THRAP3: variants seen among roughly 807,000 people sequenced by gnomAD.
THRAP3 encodes the protein thyroid hormone receptor-associated protein 3.
In THRAP3, 16 loss-of-function variants were observed where a neutral mutation model predicts 101.0. The ratio of observed to expected loss-of-function variants is 0.16; its 90% CI spans 0.11 to 0.24. The LOEUF is 0.24. Ranked by LOEUF, THRAP3 falls within the 10% of genes least tolerant of loss-of-function variation. The pLI is 1.00. For missense variants in THRAP3, 989 were observed against 1,202.7 expected, an observed-to-expected ratio of 0.82 and a Z score of 2.63; for synonymous variants, 407 against 422.6, an observed-to-expected ratio of 0.96 and a Z score of 0.45.
At chr1:36,255,156 A>G (rs745555717) in intron 1 of THRAP3, among the ~76,000 whole-genome samples, 4 of 152,122 alleles carry the variant, frequency 2.6e-5, no homozygotes, top group Non-Finnish European at 4.4e-5. Context: ...GGTTAACTTG[A>G]CACTGTCTTC....
chr1:36,217,152 C>T, the THRAP3 span, among the ~76,000 whole-genome samples: 2 of 152,154 alleles, frequency 1.3e-5, no homozygotes, highest in African/African-American at 4.8e-5. Context: ...ATGGAGAATG[C>T]AGACATACAA....
At chr1:36,255,453 C>A (rs1645360720) in intron 1 of THRAP3, among the ~76,000 whole-genome samples, 1 of 151,228 alleles carries the variant, frequency 6.6e-6, no homozygotes, top group East Asian at 1.9e-4. Context: ...CATAGTGAGA[C>A]CCTGTCTCTA....
chr1:36,257,294 C>T (rs1449885336), intron 1 of THRAP3, among the ~76,000 whole-genome samples: 1 of 152,116 alleles, frequency 6.6e-6, no homozygotes, highest in Non-Finnish European at 1.5e-5. Flanking sequence ...CTCCAGGTGC[C>T]CTCATCTGCT....
chr1:36,296,037 G>A (rs1056070944), intron 8 of THRAP3, among the ~76,000 whole-genome samples: 8 of 136,402 alleles, frequency 5.9e-5, no homozygotes, highest in East Asian at 2.2e-4. Context: ...GCAGTGGTGC[G>A]ATCTCAGCTC....
chr1:36,249,719 T>TGTGG (rs778135723), intron 1 of THRAP3, among the ~76,000 whole-genome samples: 1 of 149,158 alleles, frequency 6.7e-6, no homozygotes, highest in African/African-American at 2.5e-5. Flanking sequence ...TGTGTGTGTG[T>TGTGG]GGTGGAGGTT....
intron 8 of THRAP3, among the ~76,000 whole-genome samples, chr1:36,295,085 TG>T (rs1446701882): frequency 6.6e-6 from 1 of 151,886 alleles, no homozygotes; most frequent in African/African-American, 2.4e-5. Context: ...TAGCCGGGTG[TG>T]GTAGTGCATG....
chr1:36,277,812 C>G (rs989764833), intron 2 of THRAP3, among the ~76,000 whole-genome samples: 1 of 151,980 alleles, frequency 6.6e-6, no homozygotes, highest in Admixed American at 6.6e-5. Flanking sequence ...CAAGCTGGAT[C>G]GCAATGGCAC....
intron 1 of THRAP3, among the ~76,000 whole-genome samples, chr1:36,254,091 G>T (rs1320955553): frequency 1.3e-5 from 2 of 152,082 alleles, no homozygotes; most frequent in African/African-American, 4.8e-5. Flanking sequence ...TCAAACTGCC[G>T]TGTGGTAGGG....
At chr1:36,222,939 G>A (rs1285667898), upstream of THRAP3, among the ~76,000 whole-genome samples, 1 of 151,462 alleles carries the variant, frequency 6.6e-6, no homozygotes, top group Non-Finnish European at 1.5e-5. Context: ...TACCAGCTTG[G>A]CCAACGTGGC....
intron 2 of THRAP3, among the ~76,000 whole-genome samples, chr1:36,271,143 G>C (rs1645585516): frequency 6.6e-6 from 1 of 152,022 alleles, no homozygotes; most frequent in South Asian, 2.1e-4. Flanking sequence ...TCCTTATATA[G>C]ATATGTCTTA....
At chr1:36,209,525 C>T in the THRAP3 span, among the ~76,000 whole-genome samples, 1 of 152,162 alleles carries the variant, frequency 6.6e-6, no homozygotes, top group Non-Finnish European at 1.5e-5. Flanking sequence ...CAAATATCCT[C>T]TGGGGGATAG....
At chr1:36,300,337 C>T (rs1223081733) in intron 9 of THRAP3, among the ~76,000 whole-genome samples, 1 of 152,176 alleles carries the variant, frequency 6.6e-6, no homozygotes, top group Non-Finnish European at 1.5e-5. Flanking sequence ...CCTGAGCCTC[C>T]TACCTGTAAA....
intron 1 of THRAP3, among the ~76,000 whole-genome samples, 196 bp from the exon 2 acceptor site, chr1:36,259,186 C>A (rs919957264): frequency 6.6e-6 from 1 of 152,186 alleles, no homozygotes; most frequent in Non-Finnish European, 1.5e-5. Context: ...TTTTGCTTTC[C>A]ATACTGTAGG....
intron 1 of THRAP3, among the ~76,000 whole-genome samples, chr1:36,226,806 C>A (rs1430883218): frequency 1.3e-5 from 2 of 152,140 alleles, no homozygotes; most frequent in African/African-American, 4.8e-5. Context: ...CATTTACCAG[C>A]TTCTGTTGTG....
At chr1:36,294,442 T>C (rs1037899778) in intron 8 of THRAP3, among the ~76,000 whole-genome samples, 1 of 152,228 alleles carries the variant, frequency 6.6e-6, no homozygotes, top group Admixed American at 6.5e-5. Context: ...AAGATTACTT[T>C]GATGGCCCAG....
intron 2 of THRAP3, among the ~76,000 whole-genome samples, chr1:36,281,341 T>C (rs575112729): frequency 6.6e-6 from 1 of 152,362 alleles, no homozygotes; most frequent in South Asian, 2.1e-4. Context: ...ATCTCCTCAT[T>C]ACTTTTATTA....
At chr1:36,265,381 AC>A (rs1645500278) in intron 2 of THRAP3, among the ~76,000 whole-genome samples, 1 of 151,702 alleles carries the variant, frequency 6.6e-6, no homozygotes, top group African/African-American at 2.4e-5. Context: ...ACAAACGAAA[AC>A]CTCCAAAGTC....
Position 36,286,637 on chromosome 1 carries a change from C to T in THRAP3, c.407C>T (p.Ser136Leu). 1.2e-6 allele frequency: 2 copies of T among 1,614,182 alleles called. No individual in the cohort carries two copies. Among genetic ancestry groups the T allele is most frequent in the South Asian group, 1.1e-5 (1 of 91,082 alleles). ...CGGTCCCCAAAGAGAAGGTCCCCTTCACCAAGGTCCAGGAGCCATTCTAGA... is the reference window on the plus strand; with the variant it reads ...CGGTCCCCAAAGAGAAGGTCCCCTTTACCAAGGTCCAGGAGCCATTCTAGA... ...RSRSPKRRSP[S>L]PRSRSHSRNS... Residue 136 changes from serine to leucine, a missense_variant, in exon 4 of 12, where the codon TCA (serine) becomes TTA (leucine). Physicochemically the swap from Ser to Leu is moderately radical, Grantham distance 145. Coordinates refer to ENST00000354618, the MANE Select transcript of THRAP3 (RefSeq NM_005119.4). The surrounding 1 kb of genome is among the most constrained non-coding windows in gnomAD (Gnocchi z 5.5).
intron 2 of THRAP3, among the ~76,000 whole-genome samples, chr1:36,266,015 A>G (rs1476023373): frequency 6.6e-6 from 1 of 151,966 alleles, no homozygotes; most frequent in Non-Finnish European, 1.5e-5. Flanking sequence ...TTAGCCAGGC[A>G]TGGTGACATG....
Sources: gnomAD v4.1 joint callset for allele counts (sites outside exome capture counted in the v4.1 genomes callset) on GRCh38, gnomAD v4.1.1 for gene constraint, Gnocchi (gnomAD v3.1) non-coding constraint, MANE v1.5 for transcripts, NCBI Gene and HGNC (gene_info 2026-07-23, HGNC 2026-07-21) for gene names.